RPL3L: variants seen among roughly 807,000 people sequenced by gnomAD.
RPL3L encodes ribosomal protein uL3-like.
Under a neutral mutation model 44.5 loss-of-function variants are expected in RPL3L, and 44 were observed. The ratio of observed to expected loss-of-function variants is 0.99; its 90% CI spans 0.78 to 1.27. The LOEUF (loss-of-function observed/expected upper bound fraction) is 1.27. Among genes scored for constraint, RPL3L ranks in the 50% most tolerant of loss-of-function variants. The pLI is 0.00. For missense variants in RPL3L, 631 were observed against 569.1 expected (o/e 1.11, Z -1.11); for synonymous variants, 292 against 230.7 (o/e 1.27, Z -2.41).
Position 1,945,535 on chromosome 16 carries a change from G to T in RPL3L, c.1131C>A (p.Gly377=). 1 of 1,613,602 alleles carries T rather than the reference G, an allele frequency of 6.2e-7. No homozygotes were observed. Among genetic ancestry groups the T allele is most frequent in the Non-Finnish European group, 8.5e-7 (1 of 1,179,880 alleles). Residue 377 remains glycine, a synonymous_variant, in exon 9 of 10, where the codon GGC becomes GGA. Transcript: ENST00000268661. ...FIDTTSKFGH[G]RFQTAQEKRA... The stretch of plus-strand genomic sequence containing the variant: ...TCTTCTCTTGGGCTGTCTGGAAGCG[G>T]CCATGGCCGAACTTGGAGGTGGTGT...
intron 9 of RPL3L, 76 bp downstream of exon 9, chr16:1,945,423 C>G (rs2083113658): frequency 3.2e-6 from 5 of 1,543,520 alleles, no homozygotes; most frequent in Non-Finnish European, 4.4e-6. Flanking sequence ...CCTGCCAGCT[C>G]CAGCTCCCTA....
At chr16:1,945,690 C>G in intron 8 of RPL3L, 72 bp from the exon 9 acceptor site, 1 of 1,608,318 alleles carries the variant, frequency 6.2e-7, no homozygotes, top group Non-Finnish European at 8.5e-7. Flanking sequence ...CTCCAAGCCC[C>G]ACCAGGAAGG....
rs150702541 is a variant in RPL3L at position 1,947,263 on chromosome 16, C to T, written c.619G>A (p.Val207Met). 89 of 1,613,416 alleles carry T rather than the reference C, an allele frequency of 5.5e-5. No homozygotes were observed. In the Middle Eastern group the frequency reaches 2.5e-3, roughly 45 times the overall value. Reference protein sequence around the residue: ...AQARLEKQVPVHSVFSQSEVI... With the variant: ...AQARLEKQVPMHSVFSQSEVI... ...TCACTCTGGCTGAACACGCTGTGCA[C>T]GGGCACCTGCTTCTCCAGCCGGGCC... Residue 207 changes from valine to methionine, a missense_variant, in exon 5 of 10, where the codon GTG becomes ATG. By Grantham distance (21) the Val-to-Met change is conservative. Transcript: ENST00000268661.
At position 1,944,785 on chromosome 16, in the gene RPL3L, A is replaced by C. The variant is rs1453041719; in HGVS notation, c.*52T>G. 13 of 1,611,770 alleles carry C rather than the reference A, an allele frequency of 8.1e-6. No homozygotes were observed. The highest frequency in any genetic ancestry group is 8.5e-6 in the Non-Finnish European group (10 of 1,178,202). ...AAGAGTCGCCTCCGGCCTTTGTTAG[A>C]CATTGGGGCAGACAGTGCGGTGCGC... On this transcript the variant is annotated 3_prime_UTR_variant, in exon 10 of 10. Coordinates refer to ENST00000268661, the MANE Select transcript of RPL3L (RefSeq NM_005061.3).
chr16:1,946,979 C>T lies in RPL3L; in HGVS notation c.808G>A (p.Gly270Arg), dbSNP rs564278385. The change falls in exon 6 of 10, where the codon GGG becomes AGG. Residue 270 changes from glycine to arginine, a missense_variant. Gly to Arg is a moderately radical substitution (Grantham distance 125). Transcript: ENST00000268661. ...ARVGCSIARA[G>R]QKGYHHRTEL... The stretch of plus-strand genomic sequence containing the variant: ...GTGCGGTGGTGATAGCCCTTCTGCC[C>T]GGCCCGAGCAATGGAGCAGCCCACG... The T allele has an allele frequency of 5.0e-6, 8 of 1,610,008 alleles. No homozygotes were observed. Among genetic ancestry groups the T allele is most frequent in the South Asian group, 3.3e-5 (3 of 90,952 alleles).
rs1421471426 is a variant in RPL3L, at chr16:1,954,514, T to A, written c.3+115A>T. ...CCTTGTTTCCCCCTCCAGCCTCCCATCCCCTCACAGGCTGGGAGACTGTCC... is the reference window on the plus strand; with the variant it reads ...CCTTGTTTCCCCCTCCAGCCTCCCAACCCCTCACAGGCTGGGAGACTGTCC... On this transcript the variant is annotated intron_variant, in intron 1 of 9. Coordinates refer to ENST00000268661, the MANE Select transcript of RPL3L (RefSeq NM_005061.3). 5.1e-6 allele frequency: 6 copies of A among 1,167,664 alleles called. No individual in the cohort carries two copies. The African/African-American group carries it at 9.7e-5, about 19-fold the overall frequency. 72.3% of individuals were successfully genotyped at this position (1,167,664 alleles called of 1,614,324 possible).
At chr16:1,946,772 G>A (rs1470945768) in intron 6 of RPL3L, 46 bp from the exon 7 acceptor site, 2 of 1,605,480 alleles carry the variant, frequency 1.2e-6, no homozygotes, top group Non-Finnish European at 8.5e-7. Flanking sequence ...GGCCTCTGAG[G>A]CCAGCAGCCC....
Position 1,952,966 on chromosome 16 carries a change from G to T in RPL3L, c.273C>A (p.Gly91=). 1 of 1,613,088 alleles carries T rather than the reference G, an allele frequency of 6.2e-7. No homozygotes were observed. The highest frequency in any genetic ancestry group is 8.5e-7 in the Non-Finnish European group (1 of 1,179,676). The change falls in exon 3 of 10, where the codon GGC becomes GGA. Residue 91 remains glycine, a synonymous_variant. Coordinates refer to ENST00000268661, the MANE Select transcript of RPL3L (RefSeq NM_005061.3). ...GGAGACCTCGAGGGGTGGCCACGTAGCCCACCACGCCCACCACCACTAGGG... is the reference window on the plus strand; with the variant it reads ...GGAGACCTCGAGGGGTGGCCACGTATCCCACCACGCCCACCACCACTAGGG... ...TPPLVVVGVV[G]YVATPRGLRS...
At position 1,947,384 on chromosome 16, in the gene RPL3L, C is replaced by G. The variant is rs79075024; in HGVS notation, c.502-4G>C. 0.028 allele frequency: 43,369 copies of G among 1,570,622 alleles called. 822 individuals carry two copies. The highest frequency in any genetic ancestry group is 0.089 in the East Asian group (3,932 of 44,296). On this transcript the variant is annotated splice_region_variant and splice_polypyrimidine_tract_variant and intron_variant, in intron 4 of 9. Transcript: ENST00000268661. Reference sequence around the variant, plus strand: ...GCCGGAAGGGCAGCAGTTTCATCTGCAGGACATGGCCGGAGGTCACGCCAC... The same window carrying G: ...GCCGGAAGGGCAGCAGTTTCATCTGGAGGACATGGCCGGAGGTCACGCCAC...
rs45467097 is a variant in RPL3L at position 1,947,112 on chromosome 16, G to T, written c.689-14C>A. 3.1e-6 allele frequency: 5 copies of T among 1,613,172 alleles called. No individual in the cohort carries two copies. Among genetic ancestry groups the T allele is most frequent in the South Asian group, 2.2e-5 (2 of 91,086 alleles). ...GGCTTGTGACCCCTGTGAGTGAGAG[G>T]GGCTGGTGGCTGAGAGGCCAGGCTG... On this transcript the variant is annotated splice_polypyrimidine_tract_variant and intron_variant, in intron 5 of 9. Transcript: ENST00000268661.
chr16:1,945,696 G>A (rs944781014), intron 8 of RPL3L, 78 bp from the exon 9 acceptor site: 25 of 1,607,332 alleles, frequency 1.6e-5, no homozygotes, highest in African/African-American at 2.7e-5. Context: ...GCCCCACCAG[G>A]AAGGTCTTGC....
Position 1,952,918 on chromosome 16 carries a change from T to G in RPL3L, c.321A>C (p.Ala107=). The G allele has an allele frequency of 1.2e-6, 2 of 1,614,036 alleles. No individual in the cohort carries two copies. Among genetic ancestry groups the G allele is most frequent in the Non-Finnish European group, 1.7e-6 (2 of 1,180,014 alleles). ...RGLRSFKTIF[A]EHLSDECRRR... ...GCCGGCACTCATCACTGAGGTGTTCTGCAAAGATGGTCTTGAAGCTCCGGA... is the reference window on the plus strand; with the variant it reads ...GCCGGCACTCATCACTGAGGTGTTCGGCAAAGATGGTCTTGAAGCTCCGGA... Residue 107 remains alanine (A), a synonymous_variant, in exon 3 of 10, where the codon GCA becomes GCC. Transcript: ENST00000268661.
intron 4 of RPL3L, among the ~76,000 whole-genome samples, chr16:1,950,533 C>A (rs774926090): frequency 3.9e-5 from 6 of 152,116 alleles, no homozygotes; most frequent in Non-Finnish European, 8.8e-5. Context: ...TGCACACTTA[C>A]GCTGGAAACC....
intron 4 of RPL3L, 143 bp from the exon 5 acceptor site, chr16:1,947,523 T>A: frequency 9.6e-7 from 1 of 1,039,158 alleles, no homozygotes; most frequent in Non-Finnish European, 1.4e-6. Context: ...GCAACCCATG[T>A]GTTGTGCTAG....
Position 1,952,710 on chromosome 16 carries a change from A to AAC in RPL3L, c.365+162_365+163dup, listed in dbSNP as rs142507470. Among the ~76,000 whole-genome samples, 487 of 150,684 alleles carry AAC rather than the reference A, an allele frequency of 3.2e-3. 1 individual carries two copies. Among genetic ancestry groups the AAC allele is most frequent in the African/African-American group, 4.6e-3 (189 of 41,232 alleles). On this transcript the variant is annotated intron_variant, in intron 3 of 9. Transcript: ENST00000268661. ...TTTATTGAAATGAAGGCAACCACAC[A>AAC]ACACACACACACACACACACAGACA...
chr16:1,946,899 C>T (rs199832108), intron 6 of RPL3L, 39 bp downstream of exon 6: 70 of 1,573,784 alleles, frequency 4.4e-5, no homozygotes, highest in Middle Eastern at 4.6e-4. Flanking sequence ...GGCTGGGGTC[C>T]GACCACACAG....
Position 1,946,523 on chromosome 16 carries a change from C to T in RPL3L, c.951+102G>A, listed in dbSNP as rs538139457. The T allele has an allele frequency of 3.9e-5, 46 of 1,193,208 alleles. No homozygotes were observed. In the African/African-American group the frequency reaches 7.1e-4, roughly 19 times the overall value. The allele number at this position is 1,193,208 out of a possible 1,614,324, so 73.9% of individuals were successfully genotyped here. On this transcript the variant is annotated intron_variant, in intron 7 of 9. Coordinates refer to ENST00000268661, the MANE Select transcript of RPL3L (RefSeq NM_005061.3). ...AGGGAGCGTCCAGCTGAGGCTGGGG[C>T]ATGCCCCCTACATGTATACCAGGCC...
In RPL3L at chr16:1,947,367, G is replaced by A. The variant is rs755464200; in HGVS notation, c.515C>T (p.Pro172Leu). 1.9e-6 allele frequency: 3 copies of A among 1,587,512 alleles called. No individual in the cohort carries two copies. Among genetic ancestry groups the A allele is most frequent in the Non-Finnish European group, 2.6e-6 (3 of 1,167,876 alleles). Residue 172 changes from proline (P) to leucine (L), a missense_variant, in exon 5 of 10, where the codon CCC (proline) becomes CTC (leucine). Physicochemically the swap from Pro to Leu is moderately conservative, Grantham distance 98 (BLOSUM62 -3). Coordinates refer to ENST00000268661, the MANE Select transcript of RPL3L (RefSeq NM_005061.3). ...VIVHTQMKLL[P>L]FRQKKAHIME... ...GATGTGGGCCTTCTTCTGCCGGAAG[G>A]GCAGCAGTTTCATCTGCAGGACATG... is the stretch of plus-strand genomic sequence containing the variant.
intron 7 of RPL3L, 52 bp from the exon 8 acceptor site, chr16:1,945,982 T>C: frequency 1.3e-6 from 2 of 1,505,516 alleles, no homozygotes; most frequent in South Asian, 2.5e-5. Flanking sequence ...TCTGAGTTAG[T>C]GGGTGGCTGG....
Sources: allele counts gnomAD v4.1 joint callset (sites outside exome capture counted in the v4.1 genomes callset), GRCh38; gene constraint gnomAD v4.1.1; transcripts MANE v1.5; gene names NCBI Gene and HGNC (gene_info 2026-07-23, HGNC 2026-07-21).